FNTA: variants seen among roughly 807,000 people sequenced by gnomAD.
FNTA encodes farnesyltransferase, CAAX box, subunit alpha, also known as protein farnesyltransferase/geranylgeranyltransferase type-1 subunit alpha.
A neutral mutation model predicts 55.2 loss-of-function variants in FNTA; 27 were observed. The observed-to-expected ratio is 0.49, with a 90% confidence interval of 0.36 to 0.67. The LOEUF is 0.67. Ranked by LOEUF, FNTA falls within the 30% of genes least tolerant of loss-of-function variation. The pLI is 0.00. For synonymous variants in FNTA, 176 were observed against 170.7 expected (o/e 1.03, Z -0.24); for missense variants, 422 against 464.7 (o/e 0.91, Z 0.85).
intron 4 of FNTA, among the ~76,000 whole-genome samples, chr8:43,069,897 G>C (rs1466261127): frequency 2.6e-5 from 4 of 151,888 alleles, no homozygotes; most frequent in Non-Finnish European, 1.5e-5. Flanking sequence ...GCCCTCCTCA[G>C]CCTCCCAAAG....
At position 43,069,114 on chromosome 8, in the gene FNTA, A is replaced by AT. The variant is rs1165454431; in HGVS notation, c.402-431dup. Among the ~76,000 whole-genome samples, 639 of 148,844 alleles carry AT rather than the reference A, an allele frequency of 4.3e-3. 5 individuals are homozygous for AT. The highest frequency in any genetic ancestry group is 0.014 in the African/African-American group (553 of 40,570). On this transcript the variant is annotated intron_variant, in intron 3 of 8. Transcript: ENST00000302279. ...AAATTATACAGAGTACCTATGTATA[A>AT]TTTTTTTTTTGGGTGGGGGTGGATG...
intron 5 of FNTA, among the ~76,000 whole-genome samples, chr8:43,075,415 C>T (rs1810887720): frequency 6.6e-6 from 1 of 151,288 alleles, no homozygotes; most frequent in Non-Finnish European, 1.5e-5. Context: ...ATAATGTCCC[C>T]TACTTTCAAA....
chr8:43,078,409 A>G (rs1040825196), intron 6 of FNTA: 3 of 151,784 alleles, frequency 2.0e-5, no homozygotes. Flanking sequence ...GCATGTCTTC[A>G]TTGCCATTCT....
At chr8:43,056,718 A>C (rs890351354) in intron 1 of FNTA, 172 bp downstream of exon 1, 7 of 245,690 alleles carry the variant, frequency 2.8e-5, no homozygotes, top group Middle Eastern at 1.4e-3. Flanking sequence ...GCCGCTTCCC[A>C]GGGCGGCGCC....
At chr8:43,069,128 TG>T (rs2130554409) in intron 3 of FNTA, among the ~76,000 whole-genome samples, 1 of 151,886 alleles carries the variant, frequency 6.6e-6, no homozygotes, top group Non-Finnish European at 1.5e-5. Flanking sequence ...TTTTTTTGGG[TG>T]GGGGTGGATG....
At chr8:43,076,148 A>G (rs1464275481) in intron 5 of FNTA, among the ~76,000 whole-genome samples, 3 of 152,020 alleles carry the variant, frequency 2.0e-5, no homozygotes, top group Admixed American at 2.0e-4. Flanking sequence ...GGTTCAAGCG[A>G]TTCTCTTGCC....
Position 43,084,779 on chromosome 8 carries a change from T to G in FNTA, c.915T>G (p.Ser305Arg). The change falls in exon 8 of 9, where the codon AGT becomes AGG. Residue 305 changes from serine to arginine, a missense_variant. Coordinates refer to ENST00000302279, the MANE Select transcript of FNTA (RefSeq NM_002027.3). ...ATCAATTACTTGATTTACAACCAAG[T>G]CATAGTTCCCCCTACCTAATTGCCT... ...LLNQLLDLQP[S>R]HSSPYLIAFL... is the part of the protein sequence containing the mutation. 1.2e-6 allele frequency: 2 copies of G among 1,613,498 alleles called. No homozygotes were observed. The highest frequency in any genetic ancestry group is 1.7e-6 in the Non-Finnish European group (2 of 1,179,446).
Position 43,059,167 on chromosome 8 carries a change from T to C in FNTA, c.276T>C (p.Tyr92=), listed in dbSNP as rs771759213. The change falls in exon 2 of 9, where the codon TAT becomes TAC. Residue 92 remains tyrosine (Y), a synonymous_variant. Coordinates refer to ENST00000302279, the MANE Select transcript of FNTA (RefSeq NM_002027.3). The stretch of plus-strand genomic sequence containing the variant: ...CCAATCCCGTGGTCCAGATCATTTA[T>C]AGTGACAAATGTAAGTTTGTTTATA... ...DGPNPVVQII[Y]SDKFRDVYDY... 4.3e-6 allele frequency: 7 copies of C among 1,610,354 alleles called. No individual in the cohort carries two copies. Among genetic ancestry groups the C allele is most frequent in the Non-Finnish European group, 5.9e-6 (7 of 1,178,156 alleles).
At chr8:43,063,184 G>A in intron 2 of FNTA, 3 of 444,468 alleles carry the variant, frequency 6.7e-6, no homozygotes, top group South Asian at 4.8e-5. Flanking sequence ...AGGCTCAAGC[G>A]ATCCTCCTAC....
At chr8:43,072,128 T>C in intron 4 of FNTA, 53 bp from the exon 5 acceptor site, 1 of 1,371,342 alleles carries the variant, frequency 7.3e-7, no homozygotes, top group Non-Finnish European at 9.6e-7. Flanking sequence ...CAACTGATAT[T>C]TTAGTTCATG....
chr8:43,060,821 A>G (rs1810514442), intron 2 of FNTA, among the ~76,000 whole-genome samples: 2 of 152,194 alleles, frequency 1.3e-5, no homozygotes, highest in African/African-American at 4.8e-5. Context: ...ACCATGAGCA[A>G]GTTAAAAAGC....
At chr8:43,079,551 T>C (rs1159522034) in intron 6 of FNTA, 1 of 152,498 alleles carries the variant, frequency 6.6e-6, no homozygotes, top group Non-Finnish European at 1.5e-5. Context: ...AATATGATTG[T>C]TCATGGACAA....
At chr8:43,067,160 C>T (rs1810680215) in intron 3 of FNTA, among the ~76,000 whole-genome samples, 1 of 152,202 alleles carries the variant, frequency 6.6e-6, no homozygotes, top group Non-Finnish European at 1.5e-5. Context: ...CCACTTGTCT[C>T]CTGCCCAAGA....
intron 3 of FNTA, among the ~76,000 whole-genome samples, chr8:43,068,644 A>G (rs1810715200): frequency 6.6e-6 from 1 of 152,232 alleles, no homozygotes; most frequent in African/African-American, 2.4e-5. Context: ...AAATAATTTT[A>G]GTTGGTTGGC....
At chr8:43,076,271 T>A (rs1810910621) in intron 5 of FNTA, among the ~76,000 whole-genome samples, 1 of 152,074 alleles carries the variant, frequency 6.6e-6, no homozygotes, top group African/African-American at 2.4e-5. Context: ...CTCAAACTCC[T>A]GACCTCAGGT....
chr8:43,074,009 CAT>C (rs1317576282), intron 5 of FNTA, among the ~76,000 whole-genome samples: 1 of 151,966 alleles, frequency 6.6e-6, no homozygotes, highest in Non-Finnish European at 1.5e-5. Context: ...TATTTCATGA[CAT>C]ATATATTAAA....
intron 3 of FNTA, among the ~76,000 whole-genome samples, chr8:43,068,671 T>A (rs1810715954): frequency 6.6e-6 from 1 of 152,338 alleles, no homozygotes; most frequent in Non-Finnish European, 1.5e-5. Flanking sequence ...TACTTAAGAA[T>A]CAGAAATTTA....
chr8:43,069,675 A>G lies in FNTA; in HGVS notation c.506+16A>G, dbSNP rs1174447277. ...ATCAAGTTTGGTAAGTTTGGAGTCT[A>G]GCTGTGTCTCCCAGGCTGGAGTGCA... On this transcript the variant is annotated intron_variant, in intron 4 of 8. Coordinates refer to ENST00000302279, the MANE Select transcript of FNTA (RefSeq NM_002027.3). 6.6e-7 allele frequency: 1 copy of G among 1,522,636 alleles called. No individual in the cohort carries two copies. Among genetic ancestry groups the G allele is most frequent in the Non-Finnish European group, 9.1e-7 (1 of 1,098,948 alleles). The allele number at this position is 1,522,636 out of a possible 1,614,324, so 94.3% of individuals were successfully genotyped here.
At chr8:43,076,045 AT>A (rs940179471) in intron 5 of FNTA, among the ~76,000 whole-genome samples, 1 of 150,952 alleles carries the variant, frequency 6.6e-6, no homozygotes, top group Non-Finnish European at 1.5e-5. Flanking sequence ...TTTTATTTTT[AT>A]TGTTTTTATT....
Sources: gnomAD v4.1 joint callset for allele counts (sites outside exome capture counted in the v4.1 genomes callset) on GRCh38, gnomAD v4.1.1 for gene constraint, MANE v1.5 for transcripts, NCBI Gene and HGNC (gene_info 2026-07-23, HGNC 2026-07-21) for gene names.